Variants in RABEP1 observed in about 807,000 individuals in gnomAD.
RABEP1 encodes the protein rabaptin, RAB GTPase binding effector protein 1.
RABEP1 carries 51 observed loss-of-function variants against 123.4 expected under a neutral mutation model. The ratio of observed to expected loss-of-function variants is 0.41; its 90% CI spans 0.33 to 0.52. The LOEUF (loss-of-function observed/expected upper bound fraction) is 0.52, where lower values mean the gene tolerates loss of function less well. Among genes scored for constraint, RABEP1 ranks in the 20% least tolerant of loss-of-function variants. RABEP1 has a pLI of 0.16. For synonymous variants in RABEP1, 347 were observed against 355.2 expected, an observed-to-expected ratio of 0.98 and a Z score of 0.26; for missense variants, 888 against 996.3, an observed-to-expected ratio of 0.89 and a Z score of 1.46.
At chr17:5,282,601 CG>C in intron 1 of RABEP1, 81 bp downstream of exon 1, 1 of 1,000,800 alleles carries the variant, frequency 1.0e-6, no homozygotes, top group Non-Finnish European at 1.2e-6. Context: ...GGCGGGCAGG[CG>C]GCGGCAAGGG....
intron 12 of RABEP1, among the ~76,000 whole-genome samples, chr17:5,373,038 G>C (rs557483632): frequency 5.3e-5 from 8 of 152,322 alleles, no homozygotes; most frequent in South Asian, 4.1e-4. Flanking sequence ...GATTACAGGC[G>C]TGAGCCACCA....
chr17:5,378,122 A>G (rs1276663044), intron 14 of RABEP1, 55 bp from the exon 15 acceptor site: 5 of 1,395,460 alleles, frequency 3.6e-6, no homozygotes, highest in African/African-American at 2.9e-5. Context: ...AAAGAAAAAA[A>G]TGTTCATGCA....
chr17:5,308,283 T>C (rs567077152), intron 1 of RABEP1, among the ~76,000 whole-genome samples: 5 of 150,916 alleles, frequency 3.3e-5, no homozygotes, highest in African/African-American at 1.2e-4. Flanking sequence ...TAGAGTGCAG[T>C]GGTGCGATCT....
At chr17:5,381,534 G>A (rs756110318) in intron 17 of RABEP1, 29 bp downstream of exon 17, 5 of 1,600,448 alleles carry the variant, frequency 3.1e-6, no homozygotes, top group African/African-American at 2.7e-5. Flanking sequence ...CACATACAGA[G>A]CACGAAGGCA....
At chr17:5,321,137 C>T (rs968139206) in intron 2 of RABEP1, among the ~76,000 whole-genome samples, 2 of 151,994 alleles carry the variant, frequency 1.3e-5, no homozygotes, top group Non-Finnish European at 2.9e-5. Flanking sequence ...AAGTGAGACC[C>T]TGGCTCTACA....
intron 11 of RABEP1, among the ~76,000 whole-genome samples, chr17:5,365,753 G>A (rs1475830058): frequency 1.3e-5 from 2 of 152,134 alleles, no homozygotes; most frequent in Non-Finnish European, 2.9e-5. Context: ...ATTAGCCTGT[G>A]CTTTAACTTT....
At chr17:5,307,447 G>A (rs920538337) in intron 1 of RABEP1, among the ~76,000 whole-genome samples, 2 of 152,192 alleles carry the variant, frequency 1.3e-5, no homozygotes, top group African/African-American at 4.8e-5. Context: ...GATTGGGAGA[G>A]GGGATAGCCT....
intron 16 of RABEP1, among the ~76,000 whole-genome samples, chr17:5,380,976 A>G (rs1016727927): frequency 2.6e-5 from 4 of 152,144 alleles, no homozygotes; most frequent in Admixed American, 1.3e-4. Context: ...GGTTTTCTGT[A>G]AGAGAGACTG....
chr17:5,383,455 T>C lies in RABEP1; in HGVS notation c.*232T>C. On this transcript the variant is annotated 3_prime_UTR_variant, in exon 18 of 18. Transcript: ENST00000537505. The stretch of plus-strand genomic sequence containing the variant: ...CGAACACTATAAACTCCAGGCTTGA[T>C]TCCAACAGGCGTGGGATCAGATTTG... The C allele has an allele frequency of 2.1e-6, 1 of 468,326 alleles. No individual in the cohort carries two copies. Among genetic ancestry groups the C allele is most frequent in the Non-Finnish European group, 3.9e-6 (1 of 259,004 alleles). 29.0% of individuals were successfully genotyped at this position (468,326 alleles called of 1,614,324 possible).
In RABEP1 at chr17:5,315,159, G is replaced by C. The variant is rs1403880028; in HGVS notation, c.163+6337G>C. Among the ~76,000 whole-genome samples, 3 of 152,220 alleles carry C rather than the reference G, an allele frequency of 2.0e-5. No individual in the cohort carries two copies. In the East Asian group the frequency reaches 5.8e-4, roughly 29 times the overall value. ...AATAGTGAAAAGCTAGATTTAGGAA[G>C]CTATCTGTGGTTCCAGTGCCATAAA... On this transcript the variant is annotated intron_variant, in intron 2 of 17. Coordinates refer to ENST00000537505, the MANE Select transcript of RABEP1 (RefSeq NM_004703.6).
At chr17:5,326,995 G>C (rs1906040451) in intron 2 of RABEP1, among the ~76,000 whole-genome samples, 1 of 152,172 alleles carries the variant, frequency 6.6e-6, no homozygotes, top group Non-Finnish European at 1.5e-5. Flanking sequence ...AAGCTGTACA[G>C]CACGTTACTG....
At chr17:5,360,495 G>A (rs1017759666) in intron 8 of RABEP1, among the ~76,000 whole-genome samples, 2 of 152,268 alleles carry the variant, frequency 1.3e-5, no homozygotes, top group Non-Finnish European at 2.9e-5. Flanking sequence ...CCGGGAGGCG[G>A]AGCTTGCAGT....
chr17:5,327,131 TG>T (rs1325590588), intron 2 of RABEP1, among the ~76,000 whole-genome samples: 2 of 152,126 alleles, frequency 1.3e-5, no homozygotes, highest in Admixed American at 1.3e-4. Context: ...GCGGATCACC[TG>T]AGGTCAGGAG....
chr17:5,295,039 G>A (rs2075069474), intron 1 of RABEP1, among the ~76,000 whole-genome samples: 1 of 151,846 alleles, frequency 6.6e-6, no homozygotes, highest in South Asian at 2.1e-4. Flanking sequence ...TTTATAGCAT[G>A]TTTTTTCCCA....
Position 5,385,461 on chromosome 17 carries a change from A to G in RABEP1, c.*2238A>G. 1 of 230,538 alleles carries G rather than the reference A, an allele frequency of 4.3e-6. No homozygotes were observed. The highest frequency in any genetic ancestry group is 8.6e-6 in the Non-Finnish European group (1 of 116,448). 14.3% of individuals were successfully genotyped at this position (230,538 alleles called of 1,614,324 possible). On this transcript the variant is annotated 3_prime_UTR_variant, in exon 18 of 18. Coordinates refer to ENST00000537505, the MANE Select transcript of RABEP1 (RefSeq NM_004703.6). ...ATTGACAGTCACTCAGCCATTTCTA[A>G]GCAGATATAGTAGTACCTTTCAGAA...
At chr17:5,378,756 C>A (rs1911204814) in intron 15 of RABEP1, 1 of 168,072 alleles carries the variant, frequency 5.9e-6, no homozygotes, top group South Asian at 1.4e-4. Flanking sequence ...AGTTCCTTGA[C>A]CACAATCTGC....
At chr17:5,322,417 G>A (rs1267387806) in intron 2 of RABEP1, among the ~76,000 whole-genome samples, 1 of 152,068 alleles carries the variant, frequency 6.6e-6, no homozygotes, top group Non-Finnish European at 1.5e-5. Flanking sequence ...TAATAAAGGG[G>A]TCAATTCAGC....
intron 7 of RABEP1, among the ~76,000 whole-genome samples, chr17:5,351,859 G>A (rs1030054279): frequency 1.3e-5 from 2 of 151,950 alleles, no homozygotes; most frequent in African/African-American, 2.4e-5. Flanking sequence ...TCATATCGAC[G>A]TTGTATTTTG....
chr17:5,350,478 A>G lies in RABEP1; in HGVS notation c.812A>G (p.Gln271Arg). The change falls in exon 7 of 18, where the codon CAA becomes CGA. Residue 271 changes from glutamine to arginine, a missense_variant. Transcript: ENST00000537505. ...EVCHLLEQER[Q>R]QHNQLKHTWQ... ...TGCCATCTCTTGGAGCAAGAGCGAC[A>G]ACAACACAACCAGTTAAAACATACG... 1.2e-6 allele frequency: 2 copies of G among 1,613,824 alleles called. No homozygotes were observed. Among genetic ancestry groups the G allele is most frequent in the East Asian group, 2.2e-5 (1 of 44,882 alleles).
Sources: allele counts gnomAD v4.1 joint callset (sites outside exome capture counted in the v4.1 genomes callset), GRCh38; gene constraint gnomAD v4.1.1; transcripts MANE v1.5; gene names NCBI Gene and HGNC (gene_info 2026-07-23, HGNC 2026-07-21).